Variants in TXLNB observed in about 807,000 individuals in gnomAD.
TXLNB encodes beta-taxilin.
Under a neutral mutation model 57.4 loss-of-function variants are expected in TXLNB, and 37 were observed. The ratio of observed to expected loss-of-function variants is 0.64; its 90% CI spans 0.50 to 0.85. The LOEUF is 0.85. Among genes scored for constraint, TXLNB ranks in the 40% least tolerant of loss-of-function variants. The pLI, the probability that TXLNB is intolerant of heterozygous loss-of-function variation, is 0.00. For synonymous variants in TXLNB, 302 were observed against 309.6 expected (o/e 0.98, Z 0.26); for missense variants, 848 against 825.6 (o/e 1.03, Z -0.33).
chr6:139,159,644 CCTCT>C, the TXLNB span, among the ~76,000 whole-genome samples: 1 of 152,094 alleles, frequency 6.6e-6, no homozygotes, highest in Non-Finnish European at 1.5e-5. Flanking sequence ...ATGGGTTCAC[CCTCT>C]CTCTATTACT....
chr6:139,267,387 T>C (rs954434249), intron 4 of TXLNB, among the ~76,000 whole-genome samples: 1 of 152,198 alleles, frequency 6.6e-6, no homozygotes, highest in Non-Finnish European at 1.5e-5. Flanking sequence ...TTGCAGTGTT[T>C]CTACATGTTA....
chr6:139,314,966 T>G, the TXLNB span, among the ~76,000 whole-genome samples: 6 of 152,066 alleles, frequency 3.9e-5, no homozygotes, highest in Non-Finnish European at 8.8e-5. Flanking sequence ...ACAAATTAGC[T>G]ACAAGATTAG....
chr6:139,236,008 C>T (rs1192541055), downstream of TXLNB, among the ~76,000 whole-genome samples: 3 of 152,156 alleles, frequency 2.0e-5, no homozygotes, highest in African/African-American at 7.2e-5. Context: ...AGTCCGGACG[C>T]TGGGCAGCCT....
rs1214825472 is a variant in TXLNB at position 139,243,209 on chromosome 6, T to G, written c.1372A>C (p.Ile458Leu). Residue 458 changes from isoleucine to leucine, a missense_variant, in exon 10 of 10, where the codon ATC becomes CTC. Physicochemically the swap from Ile to Leu is conservative, Grantham distance 5. Transcript: ENST00000358430. ...QEERNELHKKIRDAEISEKDD... is the reference protein window; with the variant it reads ...QEERNELHKKLRDAEISEKDD... ...TTTTCAGATATTTCTGCGTCTCTGA[T>G]TTTTTTGTGGAGTTCGTTTCTCTCT... 1 of 1,614,176 alleles carries G rather than the reference T, an allele frequency of 6.2e-7. No homozygotes were observed. Among genetic ancestry groups the G allele is most frequent in the African/African-American group, 1.3e-5 (1 of 75,056 alleles).
At chr6:139,269,818 T>C (rs1289653638) in intron 4 of TXLNB, among the ~76,000 whole-genome samples, 1 of 152,224 alleles carries the variant, frequency 6.6e-6, no homozygotes, top group Non-Finnish European at 1.5e-5. Context: ...AGCTAGTGTC[T>C]CTGTGTAATC....
chr6:139,293,370 G>T (rs550236425), upstream of TXLNB, among the ~76,000 whole-genome samples: 1 of 152,180 alleles, frequency 6.6e-6, no homozygotes, highest in Non-Finnish European at 1.5e-5. Flanking sequence ...GATTATAAGC[G>T]TGAGCCATTG....
chr6:139,255,520 G>A, intron 7 of TXLNB, 44 bp downstream of exon 7: 2 of 1,553,706 alleles, frequency 1.3e-6, no homozygotes, highest in Admixed American at 1.7e-5. Context: ...TTTATCTGGG[G>A]ACAGTGAGGA....
intron 7 of TXLNB, among the ~76,000 whole-genome samples, chr6:139,253,619 A>G (rs1776263621): frequency 6.6e-6 from 1 of 152,168 alleles, no homozygotes; most frequent in African/African-American, 2.4e-5. Context: ...AATGAGGAAC[A>G]ATAGCAAATC....
At chr6:139,295,654 A>T (rs1161588299), upstream of TXLNB, among the ~76,000 whole-genome samples, 1 of 152,006 alleles carries the variant, frequency 6.6e-6, no homozygotes, top group Admixed American at 6.5e-5. Flanking sequence ...TTTTGACATT[A>T]TTTATTGTCT....
the TXLNB span, among the ~76,000 whole-genome samples, chr6:139,212,261 C>G: frequency 1.3e-5 from 2 of 152,170 alleles, no homozygotes; most frequent in Non-Finnish European, 2.9e-5. Flanking sequence ...GGAAGCCCAT[C>G]AGACTAACAG....
At position 139,286,237 on chromosome 6, in the gene TXLNB, C is replaced by T. The variant is rs563629666; in HGVS notation, c.424+2239G>A. Among the ~76,000 whole-genome samples the T allele has an allele frequency of 3.2e-3, 484 of 149,112 alleles. 5 individuals carry two copies. Among genetic ancestry groups the T allele is most frequent in the Middle Eastern group, 0.014 (4 of 290 alleles). The stretch of plus-strand genomic sequence containing the variant: ...ATTTTCCTCAAGGTTTTTCTCTCCC[C>T]TTCCATCTGCTTCTGTAAACTCTCC... On this transcript the variant is annotated intron_variant, in intron 2 of 9. Transcript: ENST00000358430.
chr6:139,294,265 T>C (rs896810116), upstream of TXLNB, among the ~76,000 whole-genome samples: 4 of 152,242 alleles, frequency 2.6e-5, no homozygotes, highest in African/African-American at 4.8e-5. Context: ...GCTGGGTTTT[T>C]TGAGTTTCTG....
intron 3 of TXLNB, among the ~76,000 whole-genome samples, chr6:139,275,317 G>T (rs537981190): frequency 6.2e-4 from 95 of 152,240 alleles, no homozygotes; most frequent in Non-Finnish European, 1.0e-3. Flanking sequence ...AAATATATTT[G>T]TGAAGACTAT....
the TXLNB span, among the ~76,000 whole-genome samples, chr6:139,217,698 T>C: frequency 6.6e-6 from 1 of 151,338 alleles, no homozygotes; most frequent in East Asian, 1.9e-4. Flanking sequence ...GAAACCCTGT[T>C]TCTACTAAAA....
the TXLNB span, among the ~76,000 whole-genome samples, chr6:139,165,800 A>C: frequency 1.4e-5 from 1 of 71,518 alleles, no homozygotes; most frequent in African/African-American, 9.4e-5. Flanking sequence ...GGCTGTTTGC[A>C]CAGTGTGGGA....
At chr6:139,247,616 A>C (rs968886335) in intron 8 of TXLNB, among the ~76,000 whole-genome samples, 6 of 148,330 alleles carry the variant, frequency 4.0e-5, no homozygotes, top group Non-Finnish European at 5.9e-5. Context: ...GAAACCTAGA[A>C]TTTTTGGACT....
intron 7 of TXLNB, among the ~76,000 whole-genome samples, chr6:139,253,635 C>G (rs1407539544): frequency 6.6e-6 from 1 of 151,938 alleles, no homozygotes; most frequent in African/African-American, 2.4e-5. Context: ...AAATCTAGAA[C>G]CCCTGGTTGA....
chr6:139,276,760 T>C (rs1324013477), intron 3 of TXLNB, 70 bp downstream of exon 3: 2 of 1,177,216 alleles, frequency 1.7e-6, no homozygotes, highest in East Asian at 2.4e-5. Flanking sequence ...CAGGTGTTTG[T>C]TGTTCCTTGA....
At chr6:139,173,388 A>G in the TXLNB span, among the ~76,000 whole-genome samples, 1 of 152,178 alleles carries the variant, frequency 6.6e-6, no homozygotes, top group Non-Finnish European at 1.5e-5. Context: ...GGGGTCATGC[A>G]AGTAAATGCA....
Sources: gnomAD v4.1 joint callset for allele counts (sites outside exome capture counted in the v4.1 genomes callset) on GRCh38, gnomAD v4.1.1 for gene constraint, MANE v1.5 for transcripts, NCBI Gene and HGNC (gene_info 2026-07-23, HGNC 2026-07-21) for gene names.